The following RTF2 variants were observed in gnomAD, a reference collection of about 807,000 sequenced individuals.
The protein encoded by RTF2 is UPF0549 protein C20orf43.
Under a neutral mutation model 38.0 loss-of-function variants are expected in RTF2, and 18 were observed. The ratio of observed to expected loss-of-function variants is 0.47; its 90% CI spans 0.33 to 0.70. The LOEUF (loss-of-function observed/expected upper bound fraction) is 0.70, where lower values mean the gene tolerates loss of function less well. Among genes scored for constraint, RTF2 ranks in the 30% least tolerant of loss-of-function variants. RTF2 has a pLI of 0.02. For missense variants in RTF2, 311 were observed against 379.6 expected, an observed-to-expected ratio of 0.82 and a Z score of 1.50; for synonymous variants, 126 against 137.1, an observed-to-expected ratio of 0.92 and a Z score of 0.57.
chr20:56,517,295 C>A, intron 8 of RTF2, 94 bp downstream of exon 8: 2 of 930,988 alleles, frequency 2.1e-6, no homozygotes, highest in Non-Finnish European at 3.4e-6. Context: ...GGATGGGAAG[C>A]CCAAGCCTGT....
At chr20:56,469,156 G>A (rs901750630) in intron 1 of RTF2, among the ~76,000 whole-genome samples, 2 of 152,174 alleles carry the variant, frequency 1.3e-5, no homozygotes, top group Non-Finnish European at 1.5e-5. Context: ...TGTATACTGA[G>A]TTTTGTATAC....
intron 2 of RTF2, among the ~76,000 whole-genome samples, 160 bp downstream of exon 2, chr20:56,473,555 T>C (rs1982080228): frequency 6.6e-6 from 1 of 152,184 alleles, no homozygotes; most frequent in South Asian, 2.1e-4. Flanking sequence ...TGTACTCTTC[T>C]AGTCAGTTTG....
In RTF2 at chr20:56,518,199, C is replaced by T; in HGVS notation, c.855C>T (p.His285=). The change falls in exon 9 of 9, where the codon CAC becomes CAT. Residue 285 remains histidine (H), a synonymous_variant. Coordinates refer to ENST00000357348, the MANE Select transcript of RTF2 (RefSeq NM_016407.5). ...SEAYKSLFTT[H]SSAKRSKEES... Reference sequence around the variant, plus strand: ...CCTACAAGTCCCTCTTTACCACTCACAGCTCCGCCAAGCGCTCCAAGGAGG... The same window carrying T: ...CCTACAAGTCCCTCTTTACCACTCATAGCTCCGCCAAGCGCTCCAAGGAGG... 1 of 1,614,190 alleles carries T rather than the reference C, an allele frequency of 6.2e-7. No homozygotes were observed.
chr20:56,486,508 G>A (rs1982799186), intron 5 of RTF2, among the ~76,000 whole-genome samples: 1 of 152,088 alleles, frequency 6.6e-6, no homozygotes, highest in Non-Finnish European at 1.5e-5. Flanking sequence ...AATTAGCTGG[G>A]TGTGGTGGCA....
intron 4 of RTF2, among the ~76,000 whole-genome samples, chr20:56,481,291 T>G (rs1403258671): frequency 6.6e-6 from 1 of 152,232 alleles, no homozygotes; most frequent in Non-Finnish European, 1.5e-5. Context: ...GGCGTCTGTT[T>G]ATTTAACAGG....
At position 56,491,559 on chromosome 20, in the gene RTF2, A is replaced by G. The variant is rs183774505; in HGVS notation, c.477+7370A>G. On this transcript the variant is annotated intron_variant, in intron 5 of 8. Transcript: ENST00000357348. ...ACCAGTAAGAAAGCAAACACTCCCT[A>G]GCGGTTCAGTCTCATATTGAAATGA... is the stretch of plus-strand genomic sequence containing the variant. 1,123 of 1,534,866 alleles carry G rather than the reference A, an allele frequency of 7.3e-4. 8 individuals are homozygous for G. The African/African-American group carries it at 0.014, about 19-fold the overall frequency.
chr20:56,512,089 C>T (rs922835283), intron 5 of RTF2, among the ~76,000 whole-genome samples: 4 of 152,098 alleles, frequency 2.6e-5, no homozygotes, highest in African/African-American at 4.8e-5. Context: ...AATGGTGATC[C>T]GCCCACCTCG....
At chr20:56,474,210 T>C (rs1034903951) in intron 2 of RTF2, among the ~76,000 whole-genome samples, 4 of 152,112 alleles carry the variant, frequency 2.6e-5, no homozygotes, top group Non-Finnish European at 4.4e-5. Context: ...GCTGGACCCA[T>C]TGGCTCATGC....
rs575966420 is a variant in RTF2 at position 56,497,987 on chromosome 20, C to A, written c.477+13798C>A. ...TATTATATAGCCTCTGGCATACTTG[C>A]TGTGGTCAGATGTTTTAATTTTTAC... On this transcript the variant is annotated intron_variant, in intron 5 of 8. Coordinates refer to ENST00000357348, the MANE Select transcript of RTF2 (RefSeq NM_016407.5). Among the ~76,000 whole-genome samples the A allele has an allele frequency of 2.6e-5, 4 of 152,284 alleles. No individual in the cohort carries two copies. In the South Asian group the frequency reaches 8.3e-4, roughly 32 times the overall value.
intron 5 of RTF2, among the ~76,000 whole-genome samples, chr20:56,502,286 T>C (rs1353530754): frequency 6.6e-6 from 1 of 152,258 alleles, no homozygotes; most frequent in African/African-American, 2.4e-5. Flanking sequence ...TATGTTTTTG[T>C]CCAGGGTTAA....
intron 5 of RTF2, chr20:56,491,588 T>A (rs1356460335): frequency 6.4e-7 from 1 of 1,551,368 alleles, no homozygotes; most frequent in East Asian, 2.4e-5. Context: ...GAAATGACTC[T>A]GCTGTTGAAA....
intron 5 of RTF2, among the ~76,000 whole-genome samples, chr20:56,492,568 A>T (rs555393634): frequency 1.9e-4 from 28 of 150,778 alleles, no homozygotes; most frequent in Middle Eastern, 3.4e-3. Flanking sequence ...TTAAAAAAAA[A>T]TTTTTTTTAA....
intron 5 of RTF2, among the ~76,000 whole-genome samples, chr20:56,505,216 G>A (rs1304065331): frequency 2.0e-5 from 3 of 152,150 alleles, no homozygotes; most frequent in African/African-American, 7.2e-5. Context: ...GCTGGGTGCA[G>A]TGGCTCATAT....
intron 4 of RTF2, among the ~76,000 whole-genome samples, chr20:56,481,838 C>G (rs930212642): frequency 1.3e-5 from 2 of 152,210 alleles, no homozygotes; most frequent in Admixed American, 6.5e-5. Context: ...GTTTCTGTCT[C>G]AATGGATTTA....
At chr20:56,499,205 T>G (rs1349433205) in intron 5 of RTF2, among the ~76,000 whole-genome samples, 1 of 149,970 alleles carries the variant, frequency 6.7e-6, no homozygotes, top group African/African-American at 2.4e-5. Flanking sequence ...TTTTTTTTTT[T>G]TTTTTTTTTG....
chr20:56,504,979 A>G (rs905663686), intron 5 of RTF2, among the ~76,000 whole-genome samples: 2 of 152,194 alleles, frequency 1.3e-5, no homozygotes, highest in African/African-American at 2.4e-5. Flanking sequence ...TGTAGTCCCC[A>G]TAATCTTCAG....
At chr20:56,505,604 CT>C (rs1240510684) in intron 5 of RTF2, among the ~76,000 whole-genome samples, 1 of 151,924 alleles carries the variant, frequency 6.6e-6, no homozygotes, top group African/African-American at 2.4e-5. Context: ...CTGGGTTTCA[CT>C]TCTTGTCTCA....
chr20:56,478,137 TA>T (rs1982351390), intron 4 of RTF2, among the ~76,000 whole-genome samples: 1 of 152,144 alleles, frequency 6.6e-6, no homozygotes, highest in Non-Finnish European at 1.5e-5. Flanking sequence ...ACTACCACAA[TA>T]AAACAAATAT....
At chr20:56,469,560 T>G (rs1981853342) in intron 1 of RTF2, among the ~76,000 whole-genome samples, 1 of 152,238 alleles carries the variant, frequency 6.6e-6, no homozygotes, top group Non-Finnish European at 1.5e-5. Context: ...TACTTTTTAA[T>G]GATAAAATAT....
Sources: allele counts gnomAD v4.1 joint callset (sites outside exome capture counted in the v4.1 genomes callset), GRCh38; gene constraint gnomAD v4.1.1; transcripts MANE v1.5; gene names NCBI Gene and HGNC (gene_info 2026-07-23, HGNC 2026-07-21).